The following SOX2 variants were observed in gnomAD, a reference collection of about 807,000 sequenced individuals.
SOX2 encodes SRY-box transcription factor 2.
In SOX2, 2 loss-of-function variants were observed where a neutral mutation model predicts 19.7. That is an observed-to-expected ratio of 0.10 (90% CI 0.04 to 0.32). The LOEUF is 0.32. SOX2 is among the 10% of genes least tolerant of loss of function. The pLI is 1.00. For synonymous variants in SOX2, 211 were observed against 196.8 expected (o/e 1.07, Z -0.60); for missense variants, 294 against 459.9 (o/e 0.64, Z 3.30).
In SOX2 at chr3:181,712,899, A is replaced by C. The variant is rs2108522782; in HGVS notation, c.539A>C (p.Tyr180Ser). ...SYSMMQDQLG[Y>S]PQHPGLNAHG... is the part of the protein sequence containing the mutation. ...AGCATGATGCAGGACCAGCTGGGCT[A>C]CCCGCAGCACCCGGGCCTCAATGCG... is the stretch of plus-strand genomic sequence containing the variant. Residue 180 changes from tyrosine to serine, a missense_variant, in exon 1 of 1, where the codon TAC becomes TCC. Tyr to Ser is a moderately radical substitution (Grantham distance 144, BLOSUM62 -2). Transcript: ENST00000325404. This position sits in a 1 kb window ranked among gnomAD's most constrained non-coding sequence, Gnocchi z 8.5. 6.2e-7 allele frequency: 1 copy of C among 1,612,742 alleles called. No individual in the cohort carries two copies. Among genetic ancestry groups the C allele is most frequent in the Non-Finnish European group, 8.5e-7 (1 of 1,179,668 alleles).
In SOX2 at chr3:181,713,218, C is replaced by G. The variant is rs752795014; in HGVS notation, c.858C>G (p.Pro286=). The G allele has an allele frequency of 6.8e-6, 11 of 1,612,754 alleles. No homozygotes were observed. The South Asian group carries it at 1.2e-4, about 18-fold the overall frequency. The change falls in exon 1 of 1, where the codon CCC becomes CCG. Residue 286 remains proline (P), a synonymous_variant. Transcript: ENST00000325404. The stretch of plus-strand genomic sequence containing the variant: ...TCCCCGGCGCCGAGGTGCCGGAACC[C>G]GCCGCCCCCAGCAGACTTCACATGT... ...MYLPGAEVPE[P]AAPSRLHMSQ...
rs1018111900 is a variant in SOX2, at chr3:181,712,303, C to G, written c.-58C>G. ...CCCCCGCCCGCGGGCCCCCCAAAGT[C>G]CCGGCCGGGCCGAGGGTCGGCGGCC... On this transcript the variant is annotated 5_prime_UTR_variant, in exon 1 of 1. Transcript: ENST00000325404. This position sits in a 1 kb window ranked among gnomAD's most constrained non-coding sequence, Gnocchi z 8.5. 1 of 1,302,724 alleles carries G rather than the reference C, an allele frequency of 7.7e-7. No homozygotes were observed. The highest frequency in any genetic ancestry group is 4.2e-5 in the Admixed American group (1 of 23,860). 80.7% of individuals were successfully genotyped at this position (1,302,724 alleles called of 1,614,324 possible). A position where few individuals can be genotyped will look rare whatever the true frequency, so the allele number is the denominator to read the frequency against.
At position 181,712,078 on chromosome 3, in the gene SOX2, CCCCAGGCTT is replaced by C; in HGVS notation, c.-282_-274del. 5.7e-6 allele frequency: 2 copies of C among 350,724 alleles called. No homozygotes were observed. Among genetic ancestry groups the C allele is most frequent in the East Asian group, 8.3e-5 (2 of 24,030 alleles). The allele number at this position is 350,724 out of a possible 1,614,324, so 21.7% of individuals were successfully genotyped here. ...AGAAAGAAAGGGAGAGAAGTTTGAG[CCCCAGGCTT>C]AAGCCTTTCCAAAAAATAATAATAA... On this transcript the variant is annotated 5_prime_UTR_variant, in exon 1 of 1. Transcript: ENST00000325404. The surrounding 1 kb of genome is among the most constrained non-coding windows in gnomAD (Gnocchi z 8.5).
At position 181,712,294 on chromosome 3, in the gene SOX2, C is replaced by T. The variant is rs1322563039; in HGVS notation, c.-67C>T. On this transcript the variant is annotated 5_prime_UTR_variant, in exon 1 of 1. Transcript: ENST00000325404. This position sits in a 1 kb window ranked among gnomAD's most constrained non-coding sequence, Gnocchi z 8.5. The stretch of plus-strand genomic sequence containing the variant: ...CCTCCTCTCCCCCCGCCCGCGGGCC[C>T]CCCAAAGTCCCGGCCGGGCCGAGGG... The T allele has an allele frequency of 7.1e-6, 9 of 1,262,924 alleles. No homozygotes were observed. The African/African-American group carries it at 1.3e-4, about 18-fold the overall frequency. The allele number at this position is 1,262,924 out of a possible 1,614,324, so 78.2% of individuals were successfully genotyped here.
Position 181,713,556 on chromosome 3 carries a change from G to A in SOX2, c.*242G>A, listed in dbSNP as rs1576854143. 2.2e-6 allele frequency: 1 copy of A among 464,716 alleles called. No homozygotes were observed. The highest frequency in any genetic ancestry group is 4.1e-5 in the East Asian group (1 of 24,334). The allele number at this position is 464,716 out of a possible 1,614,324, so 28.8% of individuals were successfully genotyped here. ...AGAAAACTTTTATGAGAGAGATCCT[G>A]GACTTCTTTTTGGGGGACTATTTTT... On this transcript the variant is annotated 3_prime_UTR_variant, in exon 1 of 1. Transcript: ENST00000325404.
rs1714909863 is a variant in SOX2, at chr3:181,713,801, C to G, written c.*487C>G. 3.8e-6 allele frequency: 1 copy of G among 263,226 alleles called. No individual in the cohort carries two copies. The highest frequency in any genetic ancestry group is 1.3e-4 in the South Asian group (1 of 7,412). 16.3% of individuals were successfully genotyped at this position (263,226 alleles called of 1,614,324 possible). ...CAAGCAACTTTTGTACAGTATTTAT[C>G]GAGATAAACATGGCAATCAAAATGT... is the stretch of plus-strand genomic sequence containing the variant. On this transcript the variant is annotated 3_prime_UTR_variant, in exon 1 of 1. Coordinates refer to ENST00000325404, the MANE Select transcript of SOX2 (RefSeq NM_003106.4).
rs759844431 is a variant in SOX2 at position 181,713,315 on chromosome 3, G to T, written c.*1G>T. The T allele has an allele frequency of 2.0e-5, 31 of 1,566,070 alleles. No homozygotes were observed. In the South Asian group the frequency reaches 3.0e-4, roughly 15 times the overall value. ...CACACTGCCCCTCTCACACATGTGAGGGCCGGACAGCGAACTGGAGGGGGG... is the reference window on the plus strand; with the variant it reads ...CACACTGCCCCTCTCACACATGTGATGGCCGGACAGCGAACTGGAGGGGGG... On this transcript the variant is annotated 3_prime_UTR_variant, in exon 1 of 1. Coordinates refer to ENST00000325404, the MANE Select transcript of SOX2 (RefSeq NM_003106.4).
In SOX2 at chr3:181,712,260, G is replaced by A. The variant is rs1714825414; in HGVS notation, c.-101G>A. On this transcript the variant is annotated 5_prime_UTR_variant, in exon 1 of 1. Transcript: ENST00000325404. The surrounding 1 kb of genome is among the most constrained non-coding windows in gnomAD (Gnocchi z 8.5). ...CCCTGCGCTCCCGACACCCCCGCCC[G>A]CCTCCCCTCCTCCTCTCCCCCCGCC... The A allele has an allele frequency of 1.3e-6, 1 of 799,628 alleles. No individual in the cohort carries two copies. The highest frequency in any genetic ancestry group is 1.7e-6 in the Non-Finnish European group (1 of 605,490). 49.5% of individuals were successfully genotyped at this position (799,628 alleles called of 1,614,324 possible). A position where few individuals can be genotyped will look rare whatever the true frequency, so the allele number is the denominator to read the frequency against.
rs759072077 is a variant in SOX2 at position 181,712,516 on chromosome 3, C to A, written c.156C>A (p.Ser52=). Residue 52 remains serine, a synonymous_variant, in exon 1 of 1, where the codon TCC becomes TCA. Transcript: ENST00000325404. The surrounding 1 kb of genome is among the most constrained non-coding windows in gnomAD (Gnocchi z 8.5). ...KRPMNAFMVW[S]RGQRRKMAQE... ...CCATGAATGCCTTCATGGTGTGGTC[C>A]CGCGGGCAGCGGCGCAAGATGGCCC... The A allele has an allele frequency of 1.2e-6, 2 of 1,614,022 alleles. No homozygotes were observed. Among genetic ancestry groups the A allele is most frequent in the East Asian group, 4.5e-5 (2 of 44,866 alleles).
Position 181,712,473 on chromosome 3 carries a change from C to T in SOX2, c.113C>T (p.Pro38Leu), listed in dbSNP as rs2108521561. The change falls in exon 1 of 1, where the codon CCG becomes CTG. Residue 38 changes from proline (P) to leucine (L), a missense_variant. Physicochemically the swap from Pro to Leu is moderately conservative, Grantham distance 98. This residue lies in a region of SOX2 where 51 missense variants were observed against 54.9 expected (regional missense o/e 0.93). Coordinates refer to ENST00000325404, the MANE Select transcript of SOX2 (RefSeq NM_003106.4). The surrounding 1 kb of genome is among the most constrained non-coding windows in gnomAD (Gnocchi z 8.5). ...GCCGGCGGCAACCAGAAAAACAGCC[C>T]GGACCGCGTCAAGCGGCCCATGAAT... The part of the protein sequence containing the change: ...AAAGGNQKNS[P>L]DRVKRPMNAF... 1.2e-6 allele frequency: 2 copies of T among 1,613,580 alleles called. No individual in the cohort carries two copies. Among genetic ancestry groups the T allele is most frequent in the Non-Finnish European group, 1.7e-6 (2 of 1,179,848 alleles).
In SOX2 at chr3:181,713,714, A is replaced by C. The variant is rs1259274603; in HGVS notation, c.*400A>C. The stretch of plus-strand genomic sequence containing the variant: ...AGGAGCTTTGCAGGAAGTTTGCAAA[A>C]GTCTTTACCAATAATATTTAGAGCT... On this transcript the variant is annotated 3_prime_UTR_variant, in exon 1 of 1. Transcript: ENST00000325404. The C allele has an allele frequency of 1.8e-5, 6 of 337,026 alleles. No homozygotes were observed. The highest frequency in any genetic ancestry group is 9.1e-5 in the Admixed American group (2 of 22,036). 20.9% of individuals were successfully genotyped at this position (337,026 alleles called of 1,614,324 possible).
At position 181,713,063 on chromosome 3, in the gene SOX2, A is replaced by T. The variant is rs2108523182; in HGVS notation, c.703A>T (p.Met235Leu). 1 of 1,613,768 alleles carries T rather than the reference A, an allele frequency of 6.2e-7. No homozygotes were observed. Among genetic ancestry groups the T allele is most frequent in the African/African-American group, 1.3e-5 (1 of 75,048 alleles). Residue 235 changes from methionine to leucine, a missense_variant, in exon 1 of 1, where the codon ATG becomes TTG. By Grantham distance (15) the Met-to-Leu change is conservative (BLOSUM62 2). Around this residue, in one of 3 missense-constraint regions of SOX2, gnomAD observed 223 missense variants for 292.7 expected, o/e 0.76. Transcript: ENST00000325404. Reference protein sequence around the residue: ...MSYSQQGTPGMALGSMGSVVK... With the variant: ...MSYSQQGTPGLALGSMGSVVK... The stretch of plus-strand genomic sequence containing the variant: ...CTACTCGCAGCAGGGCACCCCTGGC[A>T]TGGCTCTTGGCTCCATGGGTTCGGT...
Position 181,713,194 on chromosome 3 carries a change from C to G in SOX2, c.834C>G (p.Leu278=), listed in dbSNP as rs144530684. The change falls in exon 1 of 1, where the codon CTC becomes CTG. Residue 278 remains leucine, a synonymous_variant. Transcript: ENST00000325404. Reference sequence around the variant, plus strand: ...TCCGGGACATGATCAGCATGTATCTCCCCGGCGCCGAGGTGCCGGAACCCG... The same window carrying G: ...TCCGGGACATGATCAGCATGTATCTGCCCGGCGCCGAGGTGCCGGAACCCG... The part of the protein sequence containing the change: ...GDLRDMISMY[L]PGAEVPEPAA... The G allele has an allele frequency of 6.2e-7, 1 of 1,613,046 alleles. No homozygotes were observed. The highest frequency in any genetic ancestry group is 1.3e-5 in the African/African-American group (1 of 74,934).
rs750091101 is a variant in SOX2 at position 181,712,413 on chromosome 3, C to A, written c.53C>A (p.Ser18Ter). The A allele has an allele frequency of 3.1e-6, 5 of 1,593,038 alleles. No homozygotes were observed. In the Admixed American group the frequency reaches 8.8e-5, roughly 28 times the overall value. ...AAGCCGCCGGGCCCGCAGCAAACTT[C>A]GGGGGGCGGCGGCGGCAACTCCACC... is the stretch of plus-strand genomic sequence containing the variant. ...ELKPPGPQQT[S>*]GGGGGNSTAA... is the part of the protein sequence containing the mutation. Residue 18 changes from serine (S) to a stop codon, truncating the protein, a stop_gained, in exon 1 of 1, where the codon TCG becomes TAG. Coordinates refer to ENST00000325404, the MANE Select transcript of SOX2 (RefSeq NM_003106.4). LOFTEE classifies it high-confidence loss of function. This position sits in a 1 kb window ranked among gnomAD's most constrained non-coding sequence, Gnocchi z 8.5.
rs1192035872 is a variant in SOX2 at position 181,713,523 on chromosome 3, T to A, written c.*209T>A. 9.1e-6 allele frequency: 5 copies of A among 548,902 alleles called. No individual in the cohort carries two copies. The highest frequency in any genetic ancestry group is 8.1e-5 in the African/African-American group (4 of 49,266). 34.0% of individuals were successfully genotyped at this position (548,902 alleles called of 1,614,324 possible). The stretch of plus-strand genomic sequence containing the variant: ...ATCCACACTCACGCAAAAACCGCGA[T>A]GCCGACAAGAAAACTTTTATGAGAG... On this transcript the variant is annotated 3_prime_UTR_variant, in exon 1 of 1. Coordinates refer to ENST00000325404, the MANE Select transcript of SOX2 (RefSeq NM_003106.4).
rs369111881 is a variant in SOX2, at chr3:181,712,901, C to T, written c.541C>T (p.Pro181Ser). The change falls in exon 1 of 1, where the codon CCG becomes TCG. Residue 181 changes from proline (P) to serine (S), a missense_variant. Around this residue, in one of 3 missense-constraint regions of SOX2, gnomAD observed 223 missense variants for 292.7 expected, o/e 0.76. Transcript: ENST00000325404. The surrounding 1 kb of genome is among the most constrained non-coding windows in gnomAD (Gnocchi z 8.5). Reference sequence around the variant, plus strand: ...CATGATGCAGGACCAGCTGGGCTACCCGCAGCACCCGGGCCTCAATGCGCA... The same window carrying T: ...CATGATGCAGGACCAGCTGGGCTACTCGCAGCACCCGGGCCTCAATGCGCA... The part of the protein sequence containing the change: ...YSMMQDQLGY[P>S]QHPGLNAHGA... 10 of 1,612,778 alleles carry T rather than the reference C, an allele frequency of 6.2e-6. No homozygotes were observed. Among genetic ancestry groups the T allele is most frequent in the East Asian group, 2.2e-5 (1 of 44,864 alleles).
In SOX2 at chr3:181,713,996, T is replaced by A. The variant is rs1272239856; in HGVS notation, c.*682T>A. The A allele has an allele frequency of 4.1e-6, 1 of 244,978 alleles. No individual in the cohort carries two copies. Among genetic ancestry groups the A allele is most frequent in the East Asian group, 6.2e-5 (1 of 16,014 alleles). 15.2% of individuals were successfully genotyped at this position (244,978 alleles called of 1,614,324 possible). ...ATTGTACAAAAGGAAAAAATTAGAA[T>A]AAGTACTGGCGAACCATCTCTGTGG... On this transcript the variant is annotated 3_prime_UTR_variant, in exon 1 of 1. Coordinates refer to ENST00000325404, the MANE Select transcript of SOX2 (RefSeq NM_003106.4).
At position 181,713,005 on chromosome 3, in the gene SOX2, C is replaced by G; in HGVS notation, c.645C>G (p.Thr215=). 4 of 1,613,948 alleles carry G rather than the reference C, an allele frequency of 2.5e-6. No homozygotes were observed. The highest frequency in any genetic ancestry group is 3.4e-6 in the Non-Finnish European group (4 of 1,180,036). ...ACAACTCCATGACCAGCTCGCAGAC[C>G]TACATGAACGGCTCGCCCACCTACA... The part of the protein sequence containing the change: ...LQYNSMTSSQ[T]YMNGSPTYSM... Residue 215 remains threonine, a synonymous_variant, in exon 1 of 1, where the codon ACC becomes ACG. Transcript: ENST00000325404.
Position 181,712,615 on chromosome 3 carries a change from G to A in SOX2, c.255G>A (p.Thr85=), listed in dbSNP as rs2108521929. 3 of 1,614,206 alleles carry A rather than the reference G, an allele frequency of 1.9e-6. No homozygotes were observed. The highest frequency in any genetic ancestry group is 1.1e-5 in the South Asian group (1 of 91,088). The change falls in exon 1 of 1, where the codon ACG becomes ACA. Residue 85 remains threonine (T), a synonymous_variant. Coordinates refer to ENST00000325404, the MANE Select transcript of SOX2 (RefSeq NM_003106.4). The surrounding 1 kb of genome is among the most constrained non-coding windows in gnomAD (Gnocchi z 8.5). Reference sequence around the variant, plus strand: ...CCGAGTGGAAACTTTTGTCGGAGACGGAGAAGCGGCCGTTCATCGACGAGG... The same window carrying A: ...CCGAGTGGAAACTTTTGTCGGAGACAGAGAAGCGGCCGTTCATCGACGAGG... ...LGAEWKLLSE[T]EKRPFIDEAK... is the part of the protein sequence containing the mutation.
Sources: gnomAD v4.1 joint callset for allele counts on GRCh38, gnomAD v4.1.1 for gene constraint, gnomAD v4.1.1 regional missense constraint, Gnocchi (gnomAD v3.1) non-coding constraint, MANE v1.5 for transcripts, NCBI Gene and HGNC (gene_info 2026-07-23, HGNC 2026-07-21) for gene names.